MTMR7: variants seen among roughly 807,000 people sequenced by gnomAD.
MTMR7 encodes phosphatidylinositol-3-phosphate phosphatase MTMR7.
A neutral mutation model predicts 81.2 loss-of-function variants in MTMR7; 76 were observed. That is an observed-to-expected ratio of 0.94 (90% CI 0.78 to 1.13). MTMR7 has a LOEUF of 1.13. MTMR7 is among the 50% of genes most tolerant of loss of function. MTMR7 has a pLI of 0.00. For missense variants in MTMR7, 1,044 were observed against 820.0 expected (o/e 1.27, Z -3.34); for synonymous variants, 372 against 289.8 (o/e 1.28, Z -2.88).
intron 1 of MTMR7, among the ~76,000 whole-genome samples, chr8:17,374,162 C>A (rs146122571): frequency 1.6e-3 from 246 of 152,342 alleles, no homozygotes; most frequent in African/African-American, 5.7e-3. Context: ...TAGGAACTAA[C>A]GCATTGTATT....
chr8:17,389,928 ATATT>A (rs1821052411), intron 1 of MTMR7, among the ~76,000 whole-genome samples: 1 of 152,146 alleles, frequency 6.6e-6, no homozygotes, highest in African/African-American at 2.4e-5. Flanking sequence ...CATACAACAA[ATATT>A]TATTGTGCAC....
At chr8:17,411,961 G>C (rs1821747845) in intron 1 of MTMR7, among the ~76,000 whole-genome samples, 1 of 152,204 alleles carries the variant, frequency 6.6e-6, no homozygotes, top group Non-Finnish European at 1.5e-5. Context: ...GAGTCCATGA[G>C]TTAAATTCAC....
In MTMR7 at chr8:17,316,839, G is replaced by A. The variant is rs139215034; in HGVS notation, c.866-3438C>T. 1.2e-3 allele frequency among the ~76,000 whole-genome samples: 190 copies of A among 152,166 alleles called. No individual in the cohort carries two copies. The Middle Eastern group carries it at 0.02, about 16-fold the overall frequency. On this transcript the variant is annotated intron_variant, in intron 7 of 13. Transcript: ENST00000180173. The stretch of plus-strand genomic sequence containing the variant: ...GTTATTATGTAAGGGACTTCTGCGT[G>A]TGTGGATTTGAGAATCTATGGGGGC...
At chr8:17,381,082 A>C (rs1208038924) in intron 1 of MTMR7, among the ~76,000 whole-genome samples, 1 of 152,320 alleles carries the variant, frequency 6.6e-6, no homozygotes, top group South Asian at 2.1e-4. Context: ...AAAAAAAAGC[A>C]AAAGGGTGAA....
chr8:17,383,439 GACAT>G (rs1820823779), intron 1 of MTMR7, among the ~76,000 whole-genome samples: 2 of 152,150 alleles, frequency 1.3e-5, no homozygotes, highest in South Asian at 4.1e-4. Context: ...CTGAGACAAA[GACAT>G]GAAGAGCATG....
rs1250054286 is a variant in MTMR7 at position 17,297,580 on chromosome 8, A to AAAAT, written c.*2278_*2281dup. On this transcript the variant is annotated 3_prime_UTR_variant, in exon 14 of 14. Transcript: ENST00000180173. ...CCTATTTATTTCATATCAACTTTAAAAAATAAATTACTTGCATTCTATATA... is the reference window on the plus strand; with the variant it reads ...CCTATTTATTTCATATCAACTTTAAAAAATAAATAAATTACTTGCATTCTATATA... 1 of 152,074 alleles carries AAAAT rather than the reference A, an allele frequency of 6.6e-6. No homozygotes were observed. The highest frequency in any genetic ancestry group is 1.9e-4 in the East Asian group (1 of 5,198). The allele number at this position is 152,074 out of a possible 1,614,324, so 9.4% of individuals were successfully genotyped here. A position where few individuals can be genotyped will look rare whatever the true frequency, so the allele number is the denominator to read the frequency against.
intron 8 of MTMR7, 79 bp downstream of exon 8, chr8:17,313,213 C>G: frequency 9.8e-7 from 1 of 1,024,184 alleles, no homozygotes; most frequent in Non-Finnish European, 1.5e-6. Context: ...ACAGGGAAGC[C>G]CATGGCAGAG....
intron 7 of MTMR7, among the ~76,000 whole-genome samples, chr8:17,322,501 G>A (rs543316705): frequency 6.6e-6 from 1 of 152,266 alleles, no homozygotes; most frequent in South Asian, 2.1e-4. Context: ...ATTAACTGCA[G>A]AGGTGTGTAA....
At chr8:17,363,357 G>C (rs1820115841) in intron 3 of MTMR7, among the ~76,000 whole-genome samples, 1 of 152,126 alleles carries the variant, frequency 6.6e-6, no homozygotes, top group South Asian at 2.1e-4. Context: ...ACTGAATATG[G>C]GGTAATAATG....
chr8:17,307,895 C>T (rs1185026284), intron 10 of MTMR7, among the ~76,000 whole-genome samples: 2 of 96,468 alleles, frequency 2.1e-5, no homozygotes, highest in African/African-American at 4.4e-5. Flanking sequence ...TGTGGGGTGG[C>T]GGGAGGGGGG....
intron 1 of MTMR7, among the ~76,000 whole-genome samples, chr8:17,394,886 T>G (rs1821205021): frequency 6.6e-6 from 1 of 151,960 alleles, no homozygotes; most frequent in African/African-American, 2.4e-5. Flanking sequence ...TGAGCAGTGG[T>G]TATGTGCCAG....
chr8:17,323,109 A>G (rs561079442), intron 7 of MTMR7, among the ~76,000 whole-genome samples: 4 of 151,710 alleles, frequency 2.6e-5, no homozygotes, highest in South Asian at 4.2e-4. Flanking sequence ...CACCACGCCC[A>G]GCTAATTTTT....
At chr8:17,323,322 T>A (rs1286721617) in intron 7 of MTMR7, among the ~76,000 whole-genome samples, 1 of 151,984 alleles carries the variant, frequency 6.6e-6, no homozygotes, top group Non-Finnish European at 1.5e-5. Context: ...GGGGTCGAAA[T>A]CTACATCCCT....
chr8:17,315,301 G>C (rs1403267890), intron 7 of MTMR7, among the ~76,000 whole-genome samples: 1 of 152,104 alleles, frequency 6.6e-6, no homozygotes, highest in Non-Finnish European at 1.5e-5. Context: ...CAAAACTACG[G>C]AGACAGTAAA....
chr8:17,343,978 G>A (rs899692231), intron 5 of MTMR7, among the ~76,000 whole-genome samples: 1 of 152,150 alleles, frequency 6.6e-6, no homozygotes, highest in Non-Finnish European at 1.5e-5. Flanking sequence ...AAGGGATAGC[G>A]CTCATTTACA....
At chr8:17,316,859 G>C (rs1818112470) in intron 7 of MTMR7, among the ~76,000 whole-genome samples, 1 of 152,040 alleles carries the variant, frequency 6.6e-6, no homozygotes, top group African/African-American at 2.4e-5. Context: ...GAGAATCTAT[G>C]GGGGCTGGGG....
intron 1 of MTMR7, among the ~76,000 whole-genome samples, chr8:17,386,210 T>C (rs1022866806): frequency 1.3e-5 from 2 of 152,064 alleles, no homozygotes; most frequent in South Asian, 4.2e-4. Flanking sequence ...ACCCTGTCTC[T>C]ACCAAAAAAA....
In MTMR7 at chr8:17,307,902, G is replaced by T. The variant is rs1308338619; in HGVS notation, c.1151+1375C>A. 5.3e-5 allele frequency among the ~76,000 whole-genome samples: 8 copies of T among 151,706 alleles called. No individual in the cohort carries two copies. In the East Asian group the frequency reaches 1.2e-3, roughly 22 times the overall value. On this transcript the variant is annotated intron_variant, in intron 10 of 13. Transcript: ENST00000180173. ...GGGACTGTTGTGGGGTGGCGGGAGG[G>T]GGGAGGGATAGCATTAGGAGATATA... is the stretch of plus-strand genomic sequence containing the variant.
chr8:17,370,606 A>G (rs1820388823), intron 3 of MTMR7, among the ~76,000 whole-genome samples: 1 of 151,574 alleles, frequency 6.6e-6, no homozygotes, highest in African/African-American at 2.4e-5. Flanking sequence ...CAAAAAAGCA[A>G]TGGAGACCAA....
Sources: gnomAD v4.1 joint callset for allele counts (sites outside exome capture counted in the v4.1 genomes callset) on GRCh38, gnomAD v4.1.1 for gene constraint, MANE v1.5 for transcripts, NCBI Gene and HGNC (gene_info 2026-07-23, HGNC 2026-07-21) for gene names.